Variants in SLFN5 observed in about 807,000 individuals in gnomAD.
SLFN5 encodes the protein schlafen family member 5.
A neutral mutation model predicts 48.5 loss-of-function variants in SLFN5; 34 were observed. The ratio of observed to expected loss-of-function variants is 0.70; its 90% CI spans 0.53 to 0.93. SLFN5 has a LOEUF of 0.93. Among genes scored for constraint, SLFN5 ranks in the 40% least tolerant of loss-of-function variants. The probability of loss-of-function intolerance (pLI) is 0.00; values close to 1 mark genes in which losing one functional copy is unlikely to be tolerated. For missense variants in SLFN5, 1,006 were observed against 1,071.3 expected (o/e 0.94, Z 0.85); for synonymous variants, 387 against 396.2 (o/e 0.98, Z 0.28).
chr17:35,244,145 G>A (rs548643872), intron 1 of SLFN5, among the ~76,000 whole-genome samples: 43 of 152,070 alleles, frequency 2.8e-4, no homozygotes, highest in African/African-American at 9.4e-4. Flanking sequence ...ACAAAGAAAC[G>A]GTGCATCAGC....
At chr17:35,259,751 C>A in intron 2 of SLFN5, 49 bp downstream of exon 2, 1 of 1,574,546 alleles carries the variant, frequency 6.4e-7, no homozygotes, top group Non-Finnish European at 8.6e-7. Context: ...GGCAGCAAGG[C>A]AGGGCGGGTC....
intron 1 of SLFN5, among the ~76,000 whole-genome samples, chr17:35,245,973 G>A (rs1257488073): frequency 5.3e-5 from 8 of 152,040 alleles, no homozygotes; most frequent in African/African-American, 1.5e-4. Context: ...AGTATATGAC[G>A]ATGCCCATTC....
At chr17:35,260,873 T>G in intron 2 of SLFN5, 98 bp from the exon 3 acceptor site, 181 of 1,444,914 alleles carry the variant, frequency 1.3e-4, no homozygotes, top group Middle Eastern at 2.3e-4. Context: ...GGCCGTGGCT[T>G]GAGTTGTAAG....
In SLFN5 at chr17:35,268,128, A is replaced by G. The variant is rs1487865030; in HGVS notation, c.*2240A>G. On this transcript the variant is annotated 3_prime_UTR_variant, in exon 5 of 5. Transcript: ENST00000299977. ...AACAGCGAGGGCCTCATCTCACACC[A>G]GATCATATCAGGCTACACAAAAGTA... 6.6e-6 allele frequency: 1 copy of G among 152,266 alleles called. No individual in the cohort carries two copies. Among genetic ancestry groups the G allele is most frequent in the African/African-American group, 2.4e-5 (1 of 41,448 alleles). 9.4% of individuals were successfully genotyped at this position (152,266 alleles called of 1,614,324 possible).
intron 1 of SLFN5, among the ~76,000 whole-genome samples, chr17:35,243,413 C>G (rs2092423534): frequency 6.6e-6 from 1 of 152,172 alleles, no homozygotes; most frequent in South Asian, 2.1e-4. Context: ...GCCGACCCAG[C>G]GCAGCCTACA....
In SLFN5 at chr17:35,258,882, C is replaced by T. The variant is rs763947216; in HGVS notation, c.192C>T (p.Asn64=). The T allele has an allele frequency of 3.7e-6, 6 of 1,614,172 alleles. No homozygotes were observed. Among genetic ancestry groups the T allele is most frequent in the Non-Finnish European group, 3.4e-6 (4 of 1,180,040 alleles). ...GCATAATCAAGGCTGAGATTGAGAA[C>T]AAAGGCTACAATTATGAACGTCATG... is the stretch of plus-strand genomic sequence containing the variant. ...GGGIIKAEIE[N]KGYNYERHGV... Residue 64 remains asparagine (N), a synonymous_variant, in exon 2 of 5, where the codon AAC becomes AAT. Transcript: ENST00000299977.
chr17:35,250,658 C>CAAAA (rs58089633), intron 1 of SLFN5, among the ~76,000 whole-genome samples: 1 of 134,188 alleles, frequency 7.5e-6, no homozygotes, highest in Non-Finnish European at 1.6e-5. Context: ...AGACTCATCT[C>CAAAA]AAAAAAAAAA....
At chr17:35,250,391 G>A (rs2092439536) in intron 1 of SLFN5, among the ~76,000 whole-genome samples, 1 of 152,204 alleles carries the variant, frequency 6.6e-6, no homozygotes, top group African/African-American at 2.4e-5. Flanking sequence ...TGGGCGCGGT[G>A]GCTCACGCCT....
Position 35,266,177 on chromosome 17 carries a change from T to TGTGTGTGTGTGCGC in SLFN5, c.*290_*291insTGTGTGTGTGCGCG, listed in dbSNP as rs35160124. On this transcript the variant is annotated 3_prime_UTR_variant, in exon 5 of 5. Transcript: ENST00000299977. ...GTGTGTGTGTGTGTGTGTGTGTGTGTGCGCGCGCGCACGTGCACATGTGTG... is the reference window on the plus strand; with the variant it reads ...GTGTGTGTGTGTGTGTGTGTGTGTGTGTGTGTGTGTGCGCGCGCGCGCGCACGTGCACATGTGTG... 8,564 of 172,856 alleles carry TGTGTGTGTGTGCGC rather than the reference T, an allele frequency of 0.05. 297 individuals carry two copies. The highest frequency in any genetic ancestry group is 0.097 in the Middle Eastern group (34 of 350). The allele number at this position is 172,856 out of a possible 1,614,324, so 10.7% of individuals were successfully genotyped here.
chr17:35,263,761 T>G (rs1382072038), intron 3 of SLFN5, among the ~76,000 whole-genome samples: 1 of 138,332 alleles, frequency 7.2e-6, no homozygotes, highest in Non-Finnish European at 1.5e-5. Context: ...AGACAGAAGT[T>G]GCAGTGAGCC....
chr17:35,251,079 A>T (rs1311021768), intron 1 of SLFN5, among the ~76,000 whole-genome samples: 4 of 152,186 alleles, frequency 2.6e-5, no homozygotes, highest in African/African-American at 9.7e-5. Flanking sequence ...AAGTCCAAAC[A>T]TAAAGACCTC....
chr17:35,256,963 A>T (rs1328942173), intron 1 of SLFN5, among the ~76,000 whole-genome samples: 2 of 152,048 alleles, frequency 1.3e-5, no homozygotes. Context: ...GTGGCATTAG[A>T]TTCTCATAGG....
chr17:35,255,855 C>T (rs2092452883), intron 1 of SLFN5, among the ~76,000 whole-genome samples: 1 of 152,192 alleles, frequency 6.6e-6, no homozygotes, highest in Non-Finnish European at 1.5e-5. Context: ...TAATTCCACC[C>T]TCTTCCTCCC....
Position 35,258,761 on chromosome 17 carries a change from G to A in SLFN5, c.71G>A (p.Gly24Glu). The change falls in exon 2 of 5, where the codon GGG (glycine) becomes GAG (glutamate). Residue 24 changes from glycine to glutamate, a missense_variant. Transcript: ENST00000299977. Reference protein sequence around the residue: ...CVVDAGKVTLGTQQRQEMDPR... With the variant: ...CVVDAGKVTLETQQRQEMDPR... ...GTAGATGCAGGAAAAGTCACCCTTG[G>A]GACTCAGCAGAGGCAGGAGATGGAC... The A allele has an allele frequency of 5.0e-6, 8 of 1,614,058 alleles. No individual in the cohort carries two copies. Among genetic ancestry groups the A allele is most frequent in the Non-Finnish European group, 6.8e-6 (8 of 1,180,012 alleles).
intron 1 of SLFN5, among the ~76,000 whole-genome samples, chr17:35,246,813 C>CA (rs1359713976): frequency 6.6e-6 from 1 of 150,878 alleles, no homozygotes; most frequent in Non-Finnish European, 1.5e-5. Context: ...GAAATAGCAC[C>CA]ACTGCACTCC....
chr17:35,262,045 T>G (rs1187725809), intron 3 of SLFN5, among the ~76,000 whole-genome samples: 1 of 152,036 alleles, frequency 6.6e-6, no homozygotes, highest in Non-Finnish European at 1.5e-5. Flanking sequence ...TGCTATAATA[T>G]ACATTTTACC....
In SLFN5 at chr17:35,271,898, G is replaced by T. The variant is rs989886293; in HGVS notation, c.*6010G>T. 4.6e-5 allele frequency: 7 copies of T among 152,156 alleles called. No homozygotes were observed. The highest frequency in any genetic ancestry group is 8.8e-5 in the Non-Finnish European group (6 of 68,096). 9.4% of individuals were successfully genotyped at this position (152,156 alleles called of 1,614,324 possible). A position where few individuals can be genotyped will look rare whatever the true frequency, so the allele number is the denominator to read the frequency against. On this transcript the variant is annotated 3_prime_UTR_variant, in exon 5 of 5. Coordinates refer to ENST00000299977, the MANE Select transcript of SLFN5 (RefSeq NM_144975.4). ...TGCAAGAAATTAGCTGGGTGTGGTG[G>T]TGTGCACCTATAGTCCTAGCTACTC...
intron 1 of SLFN5, among the ~76,000 whole-genome samples, chr17:35,255,526 G>A (rs2092452204): frequency 6.6e-6 from 1 of 152,200 alleles, no homozygotes; most frequent in Non-Finnish European, 1.5e-5. Context: ...CTCAGAGTTG[G>A]GAGGTAGAGC....
chr17:35,265,401 G>T lies in SLFN5; in HGVS notation c.2189G>T (p.Arg730Leu), dbSNP rs759872683. Reference sequence around the variant, plus strand: ...CTACAACAAGTAATGCAGGAAGCCCGACAAAATCCTCCACCTAACCTCCCC... The same window carrying T: ...CTACAACAAGTAATGCAGGAAGCCCTACAAAATCCTCCACCTAACCTCCCC... Reference protein sequence around the residue: ...NYLQQVMQEARQNPPPNLPPG... With the variant: ...NYLQQVMQEALQNPPPNLPPG... Residue 730 changes from arginine to leucine, a missense_variant, in exon 5 of 5, where the codon CGA becomes CTA. Arg to Leu is a moderately radical substitution (Grantham distance 102). Transcript: ENST00000299977. 1 of 1,614,140 alleles carries T rather than the reference G, an allele frequency of 6.2e-7. No homozygotes were observed. The highest frequency in any genetic ancestry group is 1.7e-5 in the Admixed American group (1 of 60,018).
Sources: gnomAD v4.1 joint callset for allele counts (sites outside exome capture counted in the v4.1 genomes callset) on GRCh38, gnomAD v4.1.1 for gene constraint, MANE v1.5 for transcripts, NCBI Gene and HGNC (gene_info 2026-07-23, HGNC 2026-07-21) for gene names.